ADARB1: variants seen among roughly 807,000 people sequenced by gnomAD.
ADARB1 encodes the protein adenosine deaminase RNA specific B1.
Under a neutral mutation model 52.4 loss-of-function variants are expected in ADARB1, and 10 were observed. That is an observed-to-expected ratio of 0.19 (90% confidence interval 0.12 to 0.32). ADARB1 has a LOEUF of 0.32. Ranked by LOEUF, ADARB1 falls within the 10% of genes least tolerant of loss-of-function variation. The pLI is 1.00. For synonymous variants in ADARB1, 349 were observed against 371.1 expected (o/e 0.94, Z 0.68); for missense variants, 643 against 922.3 (o/e 0.70, Z 3.92).
At chr21:45,193,721 T>C (rs1026790296) in intron 8 of ADARB1, among the ~76,000 whole-genome samples, 1 of 152,188 alleles carries the variant, frequency 6.6e-6, no homozygotes, top group African/African-American at 2.4e-5. Flanking sequence ...AAATACAAAA[T>C]CAGTTATATT....
At chr21:45,133,717 TATGCTCGACAGTG>T in intron 2 of ADARB1, 1 of 279,080 alleles carries the variant, frequency 3.6e-6, no homozygotes, top group South Asian at 3.0e-5. Flanking sequence ...CCGATGGGTG[TATGCTCGACAGTG>T]GTGTGTGCGC....
chr21:45,190,121 C>T (rs896230544), intron 8 of ADARB1, among the ~76,000 whole-genome samples: 3 of 151,996 alleles, frequency 2.0e-5, no homozygotes, highest in African/African-American at 4.8e-5. Context: ...CCCTTAGTCT[C>T]GCTTCACTTT....
At chr21:45,119,376 T>G (rs2145789139) in intron 1 of ADARB1, among the ~76,000 whole-genome samples, 1 of 152,374 alleles carries the variant, frequency 6.6e-6, no homozygotes, top group Non-Finnish European at 1.5e-5. Flanking sequence ...CCACTGTGCC[T>G]AGCCTAAAAG....
chr21:45,091,835 G>A (rs909426882), intron 1 of ADARB1, among the ~76,000 whole-genome samples: 11 of 152,172 alleles, frequency 7.2e-5, no homozygotes, highest in African/African-American at 2.2e-4. Context: ...GCTAGGCTGC[G>A]AAATTTGGAT....
Position 45,223,243 on chromosome 21 carries a change from G to A in ADARB1, c.*1046G>A. The A allele has an allele frequency of 1.0e-6, 1 of 985,478 alleles. No individual in the cohort carries two copies. Among genetic ancestry groups the A allele is most frequent in the Non-Finnish European group, 1.2e-6 (1 of 829,936 alleles). 61.0% of individuals were successfully genotyped at this position (985,478 alleles called of 1,614,324 possible). The stretch of plus-strand genomic sequence containing the variant: ...CCATAGTTTTAAATTATTGTTTCCA[G>A]CTTTATCAAAGACATGTTTGAAAAA... On this transcript the variant is annotated 3_prime_UTR_variant, in exon 11 of 11. Transcript: ENST00000348831.
rs534853164 is a variant in ADARB1, at chr21:45,224,914, A to C, written c.*2717A>C. The stretch of plus-strand genomic sequence containing the variant: ...AGCGCTCGGTGTGCACTTTTAGACT[A>C]TAGCTGTTTCATTGACGTGTCACTC... On this transcript the variant is annotated 3_prime_UTR_variant, in exon 11 of 11. Coordinates refer to ENST00000348831, the MANE Select transcript of ADARB1 (RefSeq NM_001112.4). The C allele has an allele frequency of 1.0e-6, 1 of 985,246 alleles. No homozygotes were observed. The highest frequency in any genetic ancestry group is 1.1e-4 in the East Asian group (1 of 8,826). The allele number at this position is 985,246 out of a possible 1,614,324, so 61.0% of individuals were successfully genotyped here. A position where few individuals can be genotyped will look rare whatever the true frequency, so the allele number is the denominator to read the frequency against.
chr21:45,158,334 C>T (rs1413082576), intron 2 of ADARB1, among the ~76,000 whole-genome samples: 1 of 152,154 alleles, frequency 6.6e-6, no homozygotes, highest in African/African-American at 2.4e-5. Flanking sequence ...AGAGTCCCAT[C>T]TGAAGAGGGT....
Position 45,184,446 on chromosome 21 carries a change from TA to T in ADARB1, c.1397-475del, listed in dbSNP as rs1162982696. 10 of 179,268 alleles carry T rather than the reference TA, an allele frequency of 5.6e-5. No individual in the cohort carries two copies. In the East Asian group the frequency reaches 8.5e-4, roughly 15 times the overall value. 11.1% of individuals were successfully genotyped at this position (179,268 alleles called of 1,614,324 possible). On this transcript the variant is annotated intron_variant, in intron 7 of 10. Coordinates refer to ENST00000348831, the MANE Select transcript of ADARB1 (RefSeq NM_001112.4). ...TATGTCCTTCCTACTCAATTTCATA[TA>T]ATTTTTTTTTTTTTTTTTTGAGACA...
At position 45,175,782 on chromosome 21, in the gene ADARB1, C is replaced by T. The variant is rs756010542; in HGVS notation, c.81C>T (p.Pro27=). The T allele has an allele frequency of 1.2e-6, 2 of 1,614,068 alleles. No homozygotes were observed. The highest frequency in any genetic ancestry group is 2.7e-5 in the African/African-American group (2 of 74,930). The part of the protein sequence containing the change: ...KENRNLDNVS[P]KDGSTPGPGE... ...ACCGCAATCTGGACAACGTGTCCCC[C>T]AAGGATGGCAGCACACCTGGGCCTG... The change falls in exon 4 of 11, where the codon CCC becomes CCT. Residue 27 remains proline (P), a synonymous_variant. Coordinates refer to ENST00000348831, the MANE Select transcript of ADARB1 (RefSeq NM_001112.4).
chr21:45,089,294 C>T (rs2086470427), intron 1 of ADARB1, among the ~76,000 whole-genome samples: 1 of 152,180 alleles, frequency 6.6e-6, no homozygotes, highest in African/African-American at 2.4e-5. Flanking sequence ...ATTTTTCAGC[C>T]TTCCCATAAG....
intron 2 of ADARB1, among the ~76,000 whole-genome samples, chr21:45,134,077 C>T (rs141181343): frequency 0.012 from 494 of 40,040 alleles, 6 homozygotes; most frequent in East Asian, 0.041. Flanking sequence ...GTGCGCCCGC[C>T]GGGTGTGTGC....
At chr21:45,079,651 G>A (rs932036147) in intron 1 of ADARB1, among the ~76,000 whole-genome samples, 5 of 152,204 alleles carry the variant, frequency 3.3e-5, no homozygotes, top group Admixed American at 6.5e-5. Context: ...AAATTAGGAA[G>A]AATAAAAGCA....
chr21:45,160,242 C>T (rs1385575266), intron 2 of ADARB1, among the ~76,000 whole-genome samples: 7 of 152,210 alleles, frequency 4.6e-5, no homozygotes, highest in Admixed American at 4.6e-4. Flanking sequence ...AGGAATTAAC[C>T]TCCATCATTT....
At chr21:45,160,053 A>G (rs573177076) in intron 2 of ADARB1, among the ~76,000 whole-genome samples, 82 of 152,344 alleles carry the variant, frequency 5.4e-4, no homozygotes, top group Non-Finnish European at 1.0e-3. Context: ...ATTATCGATC[A>G]TAGTAGGCTG....
At chr21:45,190,702 A>G (rs933861617) in intron 8 of ADARB1, among the ~76,000 whole-genome samples, 1 of 152,284 alleles carries the variant, frequency 6.6e-6, no homozygotes, top group East Asian at 1.9e-4. Context: ...CTGTAGCTCT[A>G]ATGTGCTGCT....
At chr21:45,141,632 A>G (rs548616749) in intron 2 of ADARB1, among the ~76,000 whole-genome samples, 1 of 151,900 alleles carries the variant, frequency 6.6e-6, no homozygotes, top group East Asian at 1.9e-4. Context: ...GGCCACCTTC[A>G]CCACCCGTGG....
intron 2 of ADARB1, among the ~76,000 whole-genome samples, chr21:45,152,019 ACT>A (rs1321689006): frequency 6.6e-6 from 1 of 151,436 alleles, no homozygotes; most frequent in Non-Finnish European, 1.5e-5. Flanking sequence ...GAGGAAGAGC[ACT>A]CTCTGGGGGC....
intron 2 of ADARB1, chr21:45,152,786 G>T: frequency 5.2e-6 from 1 of 191,402 alleles, no homozygotes; most frequent in Non-Finnish European, 1.2e-5. Context: ...TGGGATAGAC[G>T]GCTTTGTGAA....
Position 45,224,688 on chromosome 21 carries a change from G to C in ADARB1, c.*2491G>C. The C allele has an allele frequency of 2.1e-6, 2 of 966,098 alleles. No homozygotes were observed. Among genetic ancestry groups the C allele is most frequent in the Non-Finnish European group, 2.5e-6 (2 of 815,518 alleles). 59.8% of individuals were successfully genotyped at this position (966,098 alleles called of 1,614,324 possible). On this transcript the variant is annotated 3_prime_UTR_variant, in exon 11 of 11. Coordinates refer to ENST00000348831, the MANE Select transcript of ADARB1 (RefSeq NM_001112.4). ...CCGGGAGCCCTGGGCCGGGGCAGGG[G>C]GCGGCTGTAGGAAGGAACTGGTTTC...
Sources: gnomAD v4.1 joint callset for allele counts (sites outside exome capture counted in the v4.1 genomes callset) on GRCh38, gnomAD v4.1.1 for gene constraint, MANE v1.5 for transcripts, NCBI Gene and HGNC (gene_info 2026-07-23, HGNC 2026-07-21) for gene names.